KCNMA1: variants seen among roughly 807,000 people sequenced by gnomAD.
KCNMA1 encodes potassium calcium-activated channel subfamily M alpha 1.
Under a neutral mutation model 140.0 loss-of-function variants are expected in KCNMA1, and 29 were observed. The ratio of observed to expected loss-of-function variants is 0.21; its 90% confidence interval spans 0.15 to 0.28. The LOEUF is 0.28. Ranked by LOEUF, KCNMA1 falls within the 10% of genes least tolerant of loss-of-function variation. The pLI is 1.00. For synonymous variants in KCNMA1, 612 were observed against 611.9 expected, an observed-to-expected ratio of 1.00 and a Z score of 0.00; for missense variants, 880 against 1,602.2, an observed-to-expected ratio of 0.55 and a Z score of 7.70.
At chr10:77,617,081 C>G (rs1302721902) in intron 1 of KCNMA1, among the ~76,000 whole-genome samples, 2 of 152,104 alleles carry the variant, frequency 1.3e-5, no homozygotes, top group East Asian at 1.9e-4. Flanking sequence ...GAAAGGCAAC[C>G]GTATTACTTA....
In KCNMA1 at chr10:77,120,897, G is replaced by A. The variant is rs2097579169; in HGVS notation, c.884+76C>T. The A allele has an allele frequency of 1.5e-5, 12 of 809,326 alleles. No individual in the cohort carries two copies. The South Asian group carries it at 1.5e-4, about 10-fold the overall frequency. The allele number at this position is 809,326 out of a possible 1,614,324, so 50.1% of individuals were successfully genotyped here. The stretch of plus-strand genomic sequence containing the variant: ...TAACTATTAATAATGTCATTGTGAT[G>A]AAAGCAAGCACACCTGATATTTGCA... On this transcript the variant is annotated intron_variant, in intron 6 of 27. Coordinates refer to ENST00000286628, the MANE Select transcript of KCNMA1 (RefSeq NM_001161352.2).
chr10:77,098,503 T>C (rs2096997911), intron 9 of KCNMA1, among the ~76,000 whole-genome samples: 1 of 152,046 alleles, frequency 6.6e-6, no homozygotes, highest in Non-Finnish European at 1.5e-5. Context: ...GCTGCATCTC[T>C]GGTTCTTTTC....
intron 2 of KCNMA1, among the ~76,000 whole-genome samples, chr10:77,322,614 C>T (rs2082688393): frequency 1.3e-5 from 2 of 152,158 alleles, no homozygotes; most frequent in Non-Finnish European, 2.9e-5. Context: ...AAGAGCCCTA[C>T]TCCTTAGAAA....
At chr10:77,424,000 G>T (rs1488513141) in intron 1 of KCNMA1, among the ~76,000 whole-genome samples, 1 of 152,206 alleles carries the variant, frequency 6.6e-6, no homozygotes, top group Non-Finnish European at 1.5e-5. Context: ...TGTCTGCAGA[G>T]GTGAGAATTC....
chr10:77,509,101 TTTG>T (rs71028281), intron 1 of KCNMA1, among the ~76,000 whole-genome samples: 6,374 of 118,960 alleles, frequency 0.054, 176 homozygotes, highest in East Asian at 0.13. Flanking sequence ...TTTGTTGGGT[TTTG>T]TTGTTGTTGT....
At chr10:77,439,110 G>GAGAAC (rs2097330713) in intron 1 of KCNMA1, among the ~76,000 whole-genome samples, 1 of 142,314 alleles carries the variant, frequency 7.0e-6, no homozygotes, top group Non-Finnish European at 1.5e-5. Context: ...GAGAAGAGAA[G>GAGAAC]AGAAGAGAAG....
intron 1 of KCNMA1, among the ~76,000 whole-genome samples, chr10:77,492,969 A>G (rs1035579738): frequency 6.6e-6 from 1 of 152,256 alleles, no homozygotes; most frequent in Admixed American, 6.5e-5. Context: ...AAGTGAAATC[A>G]TTCTCCTGTG....
intron 2 of KCNMA1, among the ~76,000 whole-genome samples, chr10:77,290,923 GA>G (rs1353571058): frequency 6.6e-6 from 1 of 152,326 alleles, no homozygotes; most frequent in African/African-American, 2.4e-5. Context: ...GGCTGGCCAG[GA>G]GGGGCAGTTG....
At chr10:77,288,842 AAAG>A (rs2072035641) in intron 2 of KCNMA1, among the ~76,000 whole-genome samples, 1 of 152,210 alleles carries the variant, frequency 6.6e-6, no homozygotes, top group Non-Finnish European at 1.5e-5. Flanking sequence ...TTTGAGAGAC[AAAG>A]AAGTGGAGTT....
At chr10:77,106,932 C>T (rs1011674494) in intron 9 of KCNMA1, among the ~76,000 whole-genome samples, 4 of 152,154 alleles carry the variant, frequency 2.6e-5, no homozygotes, top group South Asian at 4.1e-4. Context: ...TGCTGCCTCC[C>T]GGAAAAGACG....
chr10:77,386,198 C>T (rs1010209852), intron 2 of KCNMA1, among the ~76,000 whole-genome samples: 3 of 152,208 alleles, frequency 2.0e-5, no homozygotes, highest in Admixed American at 6.5e-5. Flanking sequence ...TGAGCCTTTC[C>T]TAGTTGCATG....
At chr10:77,078,575 C>T (rs979025070) in intron 13 of KCNMA1, among the ~76,000 whole-genome samples, 1 of 152,206 alleles carries the variant, frequency 6.6e-6, no homozygotes, top group Admixed American at 6.5e-5. Context: ...CTCATCTCGA[C>T]TCTGGGAATG....
At chr10:77,426,222 A>G (rs150892565) in intron 1 of KCNMA1, among the ~76,000 whole-genome samples, 87 of 152,348 alleles carry the variant, frequency 5.7e-4, no homozygotes, top group African/African-American at 2.0e-3. Flanking sequence ...AGAAGATCCA[A>G]TGGAGTAATC....
chr10:77,491,551 G>A (rs923732798), intron 1 of KCNMA1, among the ~76,000 whole-genome samples: 4 of 152,164 alleles, frequency 2.6e-5, no homozygotes, highest in Admixed American at 6.5e-5. Context: ...GGGCAATGTA[G>A]GGCAGTGGCT....
chr10:77,326,472 C>T (rs2084253298), intron 2 of KCNMA1, among the ~76,000 whole-genome samples: 1 of 151,946 alleles, frequency 6.6e-6, no homozygotes, highest in Non-Finnish European at 1.5e-5. Flanking sequence ...GAATCTGGCA[C>T]ACAGTAAGTG....
intron 5 of KCNMA1, chr10:77,150,072 AAAAT>A (rs2098390758): frequency 6.6e-6 from 1 of 152,214 alleles, no homozygotes. Flanking sequence ...GATTTATATG[AAAAT>A]AAATAAAGTG....
At chr10:76,884,058 T>C, downstream of KCNMA1, 3 of 838,874 alleles carry the variant, frequency 3.6e-6, no homozygotes, top group Non-Finnish European at 4.3e-6. Flanking sequence ...TCATAGTCTG[T>C]TCCCATTCCA....
At chr10:77,093,515 A>G (rs1337652389) in intron 9 of KCNMA1, among the ~76,000 whole-genome samples, 2 of 152,182 alleles carry the variant, frequency 1.3e-5, no homozygotes, top group Non-Finnish European at 2.9e-5. Context: ...GGATGGGGAG[A>G]AGCTGCCTCT....
chr10:77,466,320 G>A (rs1305996532), intron 1 of KCNMA1, among the ~76,000 whole-genome samples: 1 of 152,204 alleles, frequency 6.6e-6, no homozygotes, highest in East Asian at 1.9e-4. Flanking sequence ...GCCCAGGCCT[G>A]CATCATCTGC....
Sources: gnomAD v4.1 joint callset for allele counts (sites outside exome capture counted in the v4.1 genomes callset) on GRCh38, gnomAD v4.1.1 for gene constraint, MANE v1.5 for transcripts, NCBI Gene and HGNC (gene_info 2026-07-23, HGNC 2026-07-21) for gene names.